Variants in OSBPL10 observed in about 807,000 individuals in gnomAD.
The protein encoded by OSBPL10 is oxysterol-binding protein-related protein 10.
OSBPL10 carries 49 observed loss-of-function variants against 81.7 expected under a neutral mutation model. The ratio of observed to expected loss-of-function variants is 0.60; its 90% CI spans 0.48 to 0.76. The LOEUF is 0.76. Ranked by LOEUF, OSBPL10 falls within the 30% of genes least tolerant of loss-of-function variation. OSBPL10 has a pLI of 0.00. For missense variants in OSBPL10, 923 were observed against 987.8 expected (o/e 0.93, Z 0.88); for synonymous variants, 419 against 383.6 (o/e 1.09, Z -1.08).
intron 1 of OSBPL10, among the ~76,000 whole-genome samples, chr3:31,889,129 T>C (rs1274954306): frequency 6.6e-6 from 1 of 152,084 alleles, no homozygotes; most frequent in East Asian, 1.9e-4. Flanking sequence ...CGCATGGCTA[T>C]TATCAAAAAG....
chr3:32,003,421 C>T (rs1214032773), intron 2 of OSBPL10, among the ~76,000 whole-genome samples: 1 of 152,164 alleles, frequency 6.6e-6, no homozygotes, highest in East Asian at 1.9e-4. Flanking sequence ...GAAAGTGGAG[C>T]CATTTGTAGA....
intron 4 of OSBPL10, among the ~76,000 whole-genome samples, chr3:31,763,679 G>A (rs1698124260): frequency 6.6e-6 from 1 of 152,104 alleles, no homozygotes; most frequent in Non-Finnish European, 1.5e-5. Flanking sequence ...AAAGTAGCAG[G>A]CAAGAACATG....
At chr3:31,790,040 C>G (rs184392265) in intron 4 of OSBPL10, among the ~76,000 whole-genome samples, 31 of 152,028 alleles carry the variant, frequency 2.0e-4, no homozygotes, top group African/African-American at 7.5e-4. Flanking sequence ...ATCTGGTATC[C>G]CACCATATGA....
At chr3:31,765,521 T>C (rs910570806) in intron 4 of OSBPL10, among the ~76,000 whole-genome samples, 1 of 146,102 alleles carries the variant, frequency 6.8e-6, no homozygotes, top group Non-Finnish European at 1.5e-5. Flanking sequence ...AATGAATGAA[T>C]ATACAAAGGA....
At chr3:31,699,331 A>G (rs533607212) in intron 7 of OSBPL10, among the ~76,000 whole-genome samples, 3 of 152,312 alleles carry the variant, frequency 2.0e-5, no homozygotes, top group Non-Finnish European at 2.9e-5. Flanking sequence ...TCCAGGTTCA[A>G]TGGAGCCACT....
chr3:31,783,807 AAAAAAAAAAAAAAAAAATATATAT>A (rs1315923163), intron 4 of OSBPL10, among the ~76,000 whole-genome samples: 8 of 72,532 alleles, frequency 1.1e-4, no homozygotes, highest in Admixed American at 1.3e-4. Flanking sequence ...AAAAAAAAAA[AAAAAAAAAAAAAAAAAATATATAT>A]ATATATATAT....
intron 1 of OSBPL10, among the ~76,000 whole-genome samples, chr3:31,922,728 C>T (rs904707238): frequency 1.3e-5 from 2 of 151,994 alleles, no homozygotes; most frequent in African/African-American, 2.4e-5. Flanking sequence ...AAGGATTTAG[C>T]GCTGTCACTT....
At chr3:32,057,005 A>G (rs958327019) in intron 1 of OSBPL10, among the ~76,000 whole-genome samples, 1 of 152,222 alleles carries the variant, frequency 6.6e-6, no homozygotes, top group Admixed American at 6.5e-5. Context: ...TATGCTAATT[A>G]TAATGCATTA....
intron 2 of OSBPL10, among the ~76,000 whole-genome samples, chr3:31,987,225 CAT>C (rs1203890002): frequency 6.6e-6 from 1 of 152,044 alleles, no homozygotes; most frequent in African/African-American, 2.4e-5. Context: ...TACTATAAAA[CAT>C]ATAATACTTT....
At chr3:32,038,351 C>A (rs181170391) in intron 2 of OSBPL10, among the ~76,000 whole-genome samples, 4 of 152,206 alleles carry the variant, frequency 2.6e-5, no homozygotes, top group Non-Finnish European at 5.9e-5. Flanking sequence ...TTTGAGCCAG[C>A]GTCTCACTCT....
At chr3:31,754,708 T>A in intron 4 of OSBPL10, among the ~76,000 whole-genome samples, 1 of 152,160 alleles carries the variant, frequency 6.6e-6, no homozygotes, top group Non-Finnish European at 1.5e-5. Flanking sequence ...TGGCAACTAC[T>A]CAACTCTGTC....
At chr3:31,997,659 T>A (rs1423684315) in intron 2 of OSBPL10, among the ~76,000 whole-genome samples, 1 of 152,030 alleles carries the variant, frequency 6.6e-6, no homozygotes, top group Non-Finnish European at 1.5e-5. Flanking sequence ...CTTTATCAAA[T>A]AGTCTGCTTA....
intron 4 of OSBPL10, among the ~76,000 whole-genome samples, chr3:31,764,604 T>C (rs1207227801): frequency 6.6e-6 from 1 of 152,240 alleles, no homozygotes; most frequent in Non-Finnish European, 1.5e-5. Context: ...CTCCTTTTCA[T>C]TGCCCCTAGT....
At chr3:31,872,956 T>C (rs1701368468) in intron 3 of OSBPL10, among the ~76,000 whole-genome samples, 1 of 152,146 alleles carries the variant, frequency 6.6e-6, no homozygotes, top group Admixed American at 6.5e-5. Flanking sequence ...CAGAAGTCTG[T>C]TGTGAAAGGC....
intron 4 of OSBPL10, among the ~76,000 whole-genome samples, chr3:31,765,017 TTTTTTC>T (rs1289817487): frequency 6.6e-6 from 1 of 152,044 alleles, no homozygotes; most frequent in African/African-American, 2.4e-5. Flanking sequence ...ACTAACTACT[TTTTTTC>T]TTTTTTTTTC....
At chr3:32,010,920 G>T (rs1699250224) in intron 2 of OSBPL10, among the ~76,000 whole-genome samples, 1 of 152,218 alleles carries the variant, frequency 6.6e-6, no homozygotes, top group African/African-American at 2.4e-5. Context: ...GGTGAGGCTT[G>T]AGTAGGTAAA....
intron 1 of OSBPL10, among the ~76,000 whole-genome samples, chr3:31,892,097 C>T (rs1455526297): frequency 6.6e-6 from 1 of 151,934 alleles, no homozygotes; most frequent in African/African-American, 2.4e-5. Context: ...ATTTGACTTA[C>T]TAGGGCCTGT....
chr3:31,958,059 A>G (rs1020323045), intron 1 of OSBPL10, among the ~76,000 whole-genome samples: 8 of 152,176 alleles, frequency 5.3e-5, no homozygotes, highest in African/African-American at 1.9e-4. Context: ...AAAAAATTAA[A>G]CGTGTGCTAT....
chr3:31,822,180 C>G (rs904474340), intron 4 of OSBPL10: 1 of 152,218 alleles, frequency 6.6e-6, no homozygotes, highest in Admixed American at 6.5e-5. Flanking sequence ...ACAGCCTCAA[C>G]CCAGTTAATC....
Sources: allele counts gnomAD v4.1 joint callset (sites outside exome capture counted in the v4.1 genomes callset), GRCh38; gene constraint gnomAD v4.1.1; transcripts MANE v1.5; gene names NCBI Gene and HGNC (gene_info 2026-07-23, HGNC 2026-07-21).